The following DKK2 variants were observed in gnomAD, a reference collection of about 807,000 sequenced individuals.
The protein encoded by DKK2 is dickkopf-related protein 2.
In DKK2, 11 loss-of-function variants were observed where a neutral mutation model predicts 28.1. The ratio of observed to expected loss-of-function variants is 0.39; its 90% confidence interval spans 0.25 to 0.65. The LOEUF is 0.65. Ranked by LOEUF, DKK2 falls within the 30% of genes least tolerant of loss-of-function variation. The probability of loss-of-function intolerance (pLI) is 0.47; values close to 1 mark genes in which losing one functional copy is unlikely to be tolerated. For synonymous variants in DKK2, 135 were observed against 126.5 expected (o/e 1.07, Z -0.45); for missense variants, 326 against 335.5 (o/e 0.97, Z 0.22).
chr4:107,008,575 G>C (rs1320061869), intron 1 of DKK2, among the ~76,000 whole-genome samples: 1 of 151,962 alleles, frequency 6.6e-6, no homozygotes, highest in Non-Finnish European at 1.5e-5. Context: ...GTAAATCATA[G>C]ACTTGTAACT....
chr4:106,966,526 C>G (rs532541560), intron 1 of DKK2, among the ~76,000 whole-genome samples: 150 of 152,202 alleles, frequency 9.9e-4, no homozygotes, highest in African/African-American at 3.4e-3. Context: ...AACTAAATGT[C>G]TTGATCATTG....
Position 106,925,430 on chromosome 4 carries a change from A to G in DKK2, c.373+369T>C, listed in dbSNP as rs1010327810. Among the ~76,000 whole-genome samples, 8 of 152,192 alleles carry G rather than the reference A, an allele frequency of 5.3e-5. No homozygotes were observed. The South Asian group carries it at 1.4e-3, about 28-fold the overall frequency. ...CTGAGCCACAGAACATCTTGACTAA[A>G]CCCAAAGCACAAAACTGGAATAGAT... On this transcript the variant is annotated intron_variant, in intron 2 of 3. Coordinates refer to ENST00000285311, the MANE Select transcript of DKK2 (RefSeq NM_014421.3).
At chr4:107,027,460 G>GAA (rs71590175) in intron 1 of DKK2, among the ~76,000 whole-genome samples, 149 of 131,066 alleles carry the variant, frequency 1.1e-3, no homozygotes, top group South Asian at 3.1e-3. Flanking sequence ...ATCTCAAAAT[G>GAA]AAAAAAAAAA....
At chr4:107,031,160 A>T (rs569156759) in intron 1 of DKK2, among the ~76,000 whole-genome samples, 1 of 152,112 alleles carries the variant, frequency 6.6e-6, no homozygotes, top group African/African-American at 2.4e-5. Flanking sequence ...AATGTAGATT[A>T]TTTCAAATTC....
At chr4:106,933,048 C>T (rs1477931098) in intron 1 of DKK2, among the ~76,000 whole-genome samples, 1 of 152,100 alleles carries the variant, frequency 6.6e-6, no homozygotes, top group East Asian at 1.9e-4. Flanking sequence ...CATAAAAATT[C>T]CATGGGGTTT....
chr4:106,952,299 A>C (rs192243533), intron 1 of DKK2, among the ~76,000 whole-genome samples: 4 of 152,254 alleles, frequency 2.6e-5, no homozygotes, highest in Admixed American at 2.6e-4. Context: ...AGTTTTATTT[A>C]ATGCTGTGAT....
At chr4:107,011,956 A>AT (rs1416498733) in intron 1 of DKK2, among the ~76,000 whole-genome samples, 2 of 151,332 alleles carry the variant, frequency 1.3e-5, no homozygotes, top group African/African-American at 2.4e-5. Context: ...GCATAGGACA[A>AT]TTTTTTATCT....
intron 1 of DKK2, among the ~76,000 whole-genome samples, chr4:106,995,812 C>T (rs576436691): frequency 2.0e-5 from 3 of 152,176 alleles, no homozygotes; most frequent in African/African-American, 7.2e-5. Flanking sequence ...GGGGTTTCAC[C>T]GTGTTAGCCA....
chr4:107,030,920 G>T (rs1307120453), intron 1 of DKK2, among the ~76,000 whole-genome samples: 2 of 151,932 alleles, frequency 1.3e-5, no homozygotes, highest in African/African-American at 4.8e-5. Flanking sequence ...GGGTGCAAAA[G>T]TTTGTATTGT....
chr4:107,017,572 G>A (rs1164367314), intron 1 of DKK2, among the ~76,000 whole-genome samples: 1 of 151,442 alleles, frequency 6.6e-6, no homozygotes, highest in Admixed American at 6.6e-5. Context: ...CTTATTATAA[G>A]CGGTTGTTAG....
chr4:107,032,481 A>C (rs1345718969), intron 1 of DKK2, among the ~76,000 whole-genome samples: 1 of 152,124 alleles, frequency 6.6e-6, no homozygotes, highest in African/African-American at 2.4e-5. Context: ...GAGCTCATAT[A>C]GTCTCATTTT....
intron 1 of DKK2, among the ~76,000 whole-genome samples, chr4:106,968,095 AG>A (rs1413018456): frequency 6.6e-6 from 1 of 150,832 alleles, no homozygotes; most frequent in Non-Finnish European, 1.5e-5. Context: ...AAAAGGAGGA[AG>A]GGAGAAAGGT....
intron 1 of DKK2, among the ~76,000 whole-genome samples, chr4:106,934,778 G>A (rs1392673584): frequency 6.6e-6 from 1 of 152,120 alleles, no homozygotes; most frequent in Non-Finnish European, 1.5e-5. Context: ...TGGTTGGGAA[G>A]ATAGAAAAAA....
intron 1 of DKK2, among the ~76,000 whole-genome samples, chr4:106,978,077 A>G (rs1049067842): frequency 1.3e-5 from 2 of 152,220 alleles, no homozygotes; most frequent in African/African-American, 4.8e-5. Context: ...AGGCTGCAGA[A>G]CAGCAAAGAT....
intron 1 of DKK2, among the ~76,000 whole-genome samples, chr4:106,959,704 A>T (rs2110349884): frequency 6.6e-6 from 1 of 152,240 alleles, no homozygotes; most frequent in East Asian, 1.9e-4. Context: ...AAAAAATTAT[A>T]ATTAGCAAAA....
At chr4:106,944,562 T>C (rs1470118160) in intron 1 of DKK2, among the ~76,000 whole-genome samples, 1 of 152,112 alleles carries the variant, frequency 6.6e-6, no homozygotes, top group Non-Finnish European at 1.5e-5. Context: ...TTCTTTAGCA[T>C]AAGCTTGGTT....
At position 106,922,384 on chromosome 4, in the gene DKK2, G is replaced by T. The variant is rs901396965; in HGVS notation, c.*1570C>A. On this transcript the variant is annotated 3_prime_UTR_variant, in exon 4 of 4. Coordinates refer to ENST00000285311, the MANE Select transcript of DKK2 (RefSeq NM_014421.3). Reference sequence around the variant, plus strand: ...TTTTGTGCTCCAGACAAAGTATTTAGAACTGAGTTAAGTTTAAAAAAAGTA... The same window carrying T: ...TTTTGTGCTCCAGACAAAGTATTTATAACTGAGTTAAGTTTAAAAAAAGTA... 2.0e-5 allele frequency: 3 copies of T among 152,160 alleles called. No homozygotes were observed. Among genetic ancestry groups the T allele is most frequent in the Admixed American group, 1.3e-4 (2 of 15,262 alleles). 9.4% of individuals were successfully genotyped at this position (152,160 alleles called of 1,614,324 possible). A position where few individuals can be genotyped will look rare whatever the true frequency, so the allele number is the denominator to read the frequency against.
intron 1 of DKK2, among the ~76,000 whole-genome samples, chr4:106,941,347 C>A (rs1010096005): frequency 2.0e-5 from 3 of 152,096 alleles, no homozygotes; most frequent in African/African-American, 7.2e-5. Context: ...GGGACTTTAA[C>A]TCCTGAGCTT....
At chr4:107,029,603 G>A (rs146845413) in intron 1 of DKK2, among the ~76,000 whole-genome samples, 332 of 152,158 alleles carry the variant, frequency 2.2e-3, no homozygotes, top group Non-Finnish European at 2.9e-3. Flanking sequence ...CCTGAAGATC[G>A]CTCACTTCTT....
Sources: allele counts gnomAD v4.1 joint callset (sites outside exome capture counted in the v4.1 genomes callset), GRCh38; gene constraint gnomAD v4.1.1; transcripts MANE v1.5; gene names NCBI Gene and HGNC (gene_info 2026-07-23, HGNC 2026-07-21).